Variants in MELK observed in about 807,000 individuals in gnomAD.
MELK encodes maternal embryonic leucine zipper kinase.
Under a neutral mutation model 85.0 loss-of-function variants are expected in MELK, and 81 were observed. The ratio of observed to expected loss-of-function variants is 0.95; its 90% CI spans 0.80 to 1.15. The LOEUF (loss-of-function observed/expected upper bound fraction) is 1.15, where lower values mean the gene tolerates loss of function less well. Among genes scored for constraint, MELK ranks in the 50% most tolerant of loss-of-function variants. The pLI, the probability that MELK is intolerant of heterozygous loss-of-function variation, is 0.00. For missense variants in MELK, 754 were observed against 777.5 expected (o/e 0.97, Z 0.36); for synonymous variants, 252 against 265.0 (o/e 0.95, Z 0.48).
intron 10 of MELK, among the ~76,000 whole-genome samples, chr9:36,638,868 T>C (rs1364084893): frequency 6.6e-6 from 1 of 152,210 alleles, no homozygotes; most frequent in African/African-American, 2.4e-5. Context: ...AACTTGCCCA[T>C]GGTCAAACAA....
chr9:36,652,206 C>G (rs114415016), intron 12 of MELK, among the ~76,000 whole-genome samples: 4,393 of 151,258 alleles, frequency 0.029, 213 homozygotes, highest in African/African-American at 0.1. Context: ...ATCACCACGC[C>G]TGGCCAATTT....
At chr9:36,651,599 T>C (rs1266058596) in intron 11 of MELK, 147 bp from the exon 12 acceptor site, 3 of 807,410 alleles carry the variant, frequency 3.7e-6, no homozygotes, top group Admixed American at 5.0e-5. Context: ...TGTGGTGCAC[T>C]GGTTGCTGTT....
At chr9:36,667,153 T>G (rs970206016) in intron 14 of MELK, among the ~76,000 whole-genome samples, 2 of 149,448 alleles carry the variant, frequency 1.3e-5, no homozygotes, top group African/African-American at 5.1e-5. Flanking sequence ...CCCCTTTTTT[T>G]CTTTTTTTTT....
Position 36,607,594 on chromosome 9 carries a change from G to C in MELK, c.587G>C (p.Gly196Ala), listed in dbSNP as rs769110780. 1 of 1,611,862 alleles carries C rather than the reference G, an allele frequency of 6.2e-7. No homozygotes were observed. The highest frequency in any genetic ancestry group is 1.3e-5 in the African/African-American group (1 of 74,832). The part of the protein sequence containing the change: ...LGSEADVWSM[G>A]ILLYVLMCGF... ...TCTCAGGCAGATGTTTGGAGCATGG[G>C]CATACTGTTATATGTTCTTATGTGT... The change falls in exon 8 of 18, where the codon GGC (glycine) becomes GCC (alanine). Residue 196 changes from glycine to alanine, a missense_variant. By Grantham distance (60) the Gly-to-Ala change is moderately conservative. Coordinates refer to ENST00000298048, the MANE Select transcript of MELK (RefSeq NM_014791.4).
intron 16 of MELK, among the ~76,000 whole-genome samples, chr9:36,674,422 C>T (rs945597795): frequency 3.9e-5 from 6 of 152,114 alleles, no homozygotes; most frequent in Non-Finnish European, 7.3e-5. Flanking sequence ...GAAACATATC[C>T]AACTAGGTAC....
At chr9:36,601,712 A>C (rs902597161) in intron 7 of MELK, among the ~76,000 whole-genome samples, 2 of 152,184 alleles carry the variant, frequency 1.3e-5, no homozygotes, top group Non-Finnish European at 2.9e-5. Flanking sequence ...TATACCTGTT[A>C]AACAATTCTT....
intron 8 of MELK, among the ~76,000 whole-genome samples, chr9:36,629,030 C>A (rs575836900): frequency 1.3e-5 from 2 of 152,014 alleles, no homozygotes; most frequent in African/African-American, 4.8e-5. Context: ...CCATGCCCAG[C>A]TAATTTTTGT....
chr9:36,647,366 G>A (rs1705082484), intron 11 of MELK, among the ~76,000 whole-genome samples: 1 of 152,180 alleles, frequency 6.6e-6, no homozygotes, highest in Non-Finnish European at 1.5e-5. Context: ...TAGATGTGGG[G>A]TGGGAAAAAG....
At chr9:36,652,112 C>A (rs1263230561) in intron 12 of MELK, among the ~76,000 whole-genome samples, 1 of 125,424 alleles carries the variant, frequency 8.0e-6, no homozygotes, top group East Asian at 2.6e-4. Flanking sequence ...AGTGGCATGA[C>A]CTCAGCTCAC....
intron 8 of MELK, among the ~76,000 whole-genome samples, chr9:36,629,436 T>G (rs1828289229): frequency 6.6e-6 from 1 of 152,242 alleles, no homozygotes; most frequent in African/African-American, 2.4e-5. Flanking sequence ...TTTCTGAGTA[T>G]ACTAGGTTGT....
chr9:36,615,519 G>T (rs1332778417), intron 8 of MELK, among the ~76,000 whole-genome samples: 1 of 138,834 alleles, frequency 7.2e-6, no homozygotes, highest in Non-Finnish European at 1.6e-5. Flanking sequence ...CCTCCCGGAC[G>T]GGGTGGCTGC....
chr9:36,638,662 C>T (rs1034769514), intron 10 of MELK, among the ~76,000 whole-genome samples: 5 of 152,132 alleles, frequency 3.3e-5, no homozygotes, highest in African/African-American at 9.7e-5. Context: ...TTAGTAAGGG[C>T]TCTCTGTATA....
chr9:36,580,466 C>T (rs988819171), intron 1 of MELK, among the ~76,000 whole-genome samples: 1 of 150,670 alleles, frequency 6.6e-6, no homozygotes, highest in Non-Finnish European at 1.5e-5. Context: ...ATTACAGGCT[C>T]CTGCCACCAT....
intron 2 of MELK, among the ~76,000 whole-genome samples, chr9:36,582,978 T>TC (rs1328325137): frequency 6.6e-6 from 1 of 151,622 alleles, no homozygotes; most frequent in Non-Finnish European, 1.5e-5. Flanking sequence ...CTTCAAAGTT[T>TC]TTTTTTTTTT....
intron 8 of MELK, among the ~76,000 whole-genome samples, chr9:36,615,010 G>A (rs1446862875): frequency 1.4e-5 from 2 of 147,144 alleles, no homozygotes; most frequent in Non-Finnish European, 3.0e-5. Flanking sequence ...CCCAGTAGGG[G>A]CGGCCGGGCA....
In MELK at chr9:36,644,286, A is replaced by G. The variant is rs78876598; in HGVS notation, c.921+1203A>G. ...ATCAAGGCAGTCACAGCTGTCTCTA[A>G]TGTGAAGGGTGACTTGTACCTCACT... On this transcript the variant is annotated intron_variant, in intron 11 of 17. Transcript: ENST00000298048. Among the ~76,000 whole-genome samples, 1,406 of 150,914 alleles carry G rather than the reference A, an allele frequency of 9.3e-3. 16 individuals carry two copies. The highest frequency in any genetic ancestry group is 0.029 in the African/African-American group (1,182 of 40,842).
chr9:36,595,751 G>A (rs1824155756), intron 5 of MELK, among the ~76,000 whole-genome samples: 2 of 151,938 alleles, frequency 1.3e-5, no homozygotes, highest in East Asian at 1.9e-4. Flanking sequence ...GACTACAGGC[G>A]TATGCCACCA....
chr9:36,632,809 C>G (rs997431692), intron 9 of MELK, among the ~76,000 whole-genome samples: 6 of 152,160 alleles, frequency 3.9e-5, no homozygotes, highest in Non-Finnish European at 7.3e-5. Context: ...GGTTTTCCAG[C>G]AAAAGACTAT....
At chr9:36,631,620 G>A (rs1226449367) in intron 9 of MELK, among the ~76,000 whole-genome samples, 1 of 151,964 alleles carries the variant, frequency 6.6e-6, no homozygotes, top group Non-Finnish European at 1.5e-5. Context: ...CTGTCGCCCA[G>A]GCTGGAGTGC....
Sources: allele counts gnomAD v4.1 joint callset (sites outside exome capture counted in the v4.1 genomes callset), GRCh38; gene constraint gnomAD v4.1.1; transcripts MANE v1.5; gene names NCBI Gene and HGNC (gene_info 2026-07-23, HGNC 2026-07-21).